The following GDE1 variants were observed in gnomAD, a reference collection of about 807,000 sequenced individuals.
GDE1 encodes glycerophosphodiester phosphodiesterase 1.
A neutral mutation model predicts 32.2 loss-of-function variants in GDE1; 24 were observed. The observed-to-expected ratio is 0.75, with a 90% CI of 0.54 to 1.05. The LOEUF (loss-of-function observed/expected upper bound fraction) is 1.05. Among genes scored for constraint, GDE1 ranks in the 50% least tolerant of loss-of-function variants. The pLI is 0.00. For missense variants in GDE1, 380 were observed against 415.0 expected (o/e 0.92, Z 0.73); for synonymous variants, 159 against 158.6 (o/e 1.00, Z -0.02).
chr16:19,514,059 T>C (rs1033564307), intron 2 of GDE1, among the ~76,000 whole-genome samples: 2 of 152,138 alleles, frequency 1.3e-5, no homozygotes, highest in Non-Finnish European at 2.9e-5. Flanking sequence ...TCTTATATTG[T>C]ATAATGGATG....
chr16:19,518,266 CAT>C (rs1322990640), intron 1 of GDE1, among the ~76,000 whole-genome samples: 1 of 152,086 alleles, frequency 6.6e-6, no homozygotes, highest in Non-Finnish European at 1.5e-5. Context: ...AAAGATTTAA[CAT>C]ATGTGAATAT....
At chr16:19,519,005 T>G (rs1363675325) in intron 1 of GDE1, among the ~76,000 whole-genome samples, 2 of 152,100 alleles carry the variant, frequency 1.3e-5, no homozygotes, top group African/African-American at 4.8e-5. Context: ...CCAACTCAAT[T>G]TTGACACTAT....
chr16:19,518,560 A>T (rs1290043955), intron 1 of GDE1, among the ~76,000 whole-genome samples: 2 of 152,194 alleles, frequency 1.3e-5, no homozygotes, highest in African/African-American at 2.4e-5. Flanking sequence ...TCAACACTAC[A>T]GATACAGCTG....
chr16:19,513,133 A>C (rs551330191), intron 2 of GDE1, among the ~76,000 whole-genome samples: 9 of 152,068 alleles, frequency 5.9e-5, no homozygotes, highest in African/African-American at 1.9e-4. Flanking sequence ...TTGCTTTTCT[A>C]TTTCTCTGAA....
At position 19,509,248 on chromosome 16, in the gene GDE1, G is replaced by A. The variant is rs371462338; in HGVS notation, c.544-1469C>T. ...ACCCCGGAGGCAGAGGTTGCATTGA[G>A]CCGAGATCGCGCCAATGCACTCCAG... On this transcript the variant is annotated intron_variant, in intron 3 of 5. Coordinates refer to ENST00000353258, the MANE Select transcript of GDE1 (RefSeq NM_016641.4). Among the ~76,000 whole-genome samples, 107 of 152,242 alleles carry A rather than the reference G, an allele frequency of 7.0e-4. 1 individual carries two copies. The East Asian group carries it at 8.5e-3, about 12-fold the overall frequency.
At chr16:19,520,408 G>GA (rs71375647) in intron 1 of GDE1, among the ~76,000 whole-genome samples, 22,146 of 131,408 alleles carry the variant, frequency 0.17, 2,473 homozygotes, top group East Asian at 0.4. Flanking sequence ...TAAAAAAAAA[G>GA]AAAAAAAAAA....
intron 5 of GDE1, chr16:19,504,608 A>T (rs1969220586): frequency 3.1e-6 from 1 of 320,856 alleles, no homozygotes; most frequent in Non-Finnish European, 5.8e-6. Flanking sequence ...CAGTCACAGA[A>T]ATAAAATCCC....
Position 19,521,712 on chromosome 16 carries a change from T to C in GDE1, c.253A>G (p.Ile85Val). 6.8e-6 allele frequency: 11 copies of C among 1,611,416 alleles called. No homozygotes were observed. Among genetic ancestry groups the C allele is most frequent in the Non-Finnish European group, 9.3e-6 (11 of 1,179,284 alleles). Reference sequence around the variant, plus strand: ...GAACGTGGGGGTCTCACCTGCCGAATGGCCGCCAGCGTGTTCTCGGGCGCG... The same window carrying C: ...GAACGTGGGGGTCTCACCTGCCGAACGGCCGCCAGCGTGTTCTCGGGCGCG... ...HDAPENTLAA[I>V]RQAAKNGATG... Residue 85 changes from isoleucine to valine, a missense_variant, in exon 1 of 6, where the codon ATT becomes GTT. Physicochemically the swap from Ile to Val is conservative, Grantham distance 29 (BLOSUM62 3). Coordinates refer to ENST00000353258, the MANE Select transcript of GDE1 (RefSeq NM_016641.4).
At position 19,521,497 on chromosome 16, in the gene GDE1, T is replaced by G. The variant is rs1162673547; in HGVS notation, c.261+207A>C. 5.0e-6 allele frequency: 3 copies of G among 603,568 alleles called. No homozygotes were observed. In the African/African-American group the frequency reaches 5.6e-5, roughly 11 times the overall value. 37.4% of individuals were successfully genotyped at this position (603,568 alleles called of 1,614,324 possible). ...ACCTTAGCGTCAGGCGCACAGAAAC[T>G]ATATACATATCTGCTGTCTTCTGTA... On this transcript the variant is annotated intron_variant, in intron 1 of 5. Coordinates refer to ENST00000353258, the MANE Select transcript of GDE1 (RefSeq NM_016641.4).
intron 4 of GDE1, among the ~76,000 whole-genome samples, chr16:19,506,479 G>A (rs1030300413): frequency 2.0e-5 from 3 of 151,978 alleles, no homozygotes; most frequent in East Asian, 1.9e-4. Context: ...GCAAAACCCC[G>A]TCTCTACTAA....
At position 19,519,491 on chromosome 16, in the gene GDE1, T is replaced by C. The variant is rs551897380; in HGVS notation, c.261+2213A>G. On this transcript the variant is annotated intron_variant, in intron 1 of 5. Transcript: ENST00000353258. The stretch of plus-strand genomic sequence containing the variant: ...ATATATATACATACACAATACTTAA[T>C]AGATTACAATATAGTGTAAACATAA... Among the ~76,000 whole-genome samples, 18 of 151,332 alleles carry C rather than the reference T, an allele frequency of 1.2e-4. No homozygotes were observed. In the South Asian group the frequency reaches 3.3e-3, roughly 28 times the overall value.
chr16:19,505,036 T>C lies in GDE1; in HGVS notation c.693A>G (p.Leu231=). ...ITALTHRPWS[L]SHTGDGKPRY... ...GTGGTTTCCCATCTCCTGTATGGCT[T>C]AGGCTCCAAGGTCTGTGAGTTAATG... The change falls in exon 5 of 6, where the codon CTA becomes CTG. Residue 231 remains leucine (L), a synonymous_variant. Transcript: ENST00000353258. 1 of 1,613,478 alleles carries C rather than the reference T, an allele frequency of 6.2e-7. No homozygotes were observed. Among genetic ancestry groups the C allele is most frequent in the Non-Finnish European group, 8.5e-7 (1 of 1,179,366 alleles).
rs1969467385 is a variant in GDE1 at position 19,521,972 on chromosome 16, C to T, written c.-8G>A. The T allele has an allele frequency of 1.3e-6, 2 of 1,529,140 alleles. No homozygotes were observed. Among genetic ancestry groups the T allele is most frequent in the East Asian group, 4.9e-5 (2 of 40,972 alleles). The allele number at this position is 1,529,140 out of a possible 1,614,324, so 94.7% of individuals were successfully genotyped here. ...GTCCTCCCACAGCCACATGCCGGCG[C>T]CCGCACCGGCACGGACGGGAGTCCC... On this transcript the variant is annotated 5_prime_UTR_variant, in exon 1 of 6. Coordinates refer to ENST00000353258, the MANE Select transcript of GDE1 (RefSeq NM_016641.4).
At chr16:19,505,362 G>T (rs1235127912) in intron 4 of GDE1, among the ~76,000 whole-genome samples, 1 of 151,980 alleles carries the variant, frequency 6.6e-6, no homozygotes, top group Non-Finnish European at 1.5e-5. Context: ...AAAACTTCAG[G>T]ATCAAATTTT....
rs1013728488 is a variant in GDE1, at chr16:19,521,735, G to A, written c.230C>T (p.Ala77Val). ...AIAHRGGSHD[A>V]PENTLAAIRQ... ...AATGGCCGCCAGCGTGTTCTCGGGC[G>A]CGTCGTGGCTGCCGCCACGGTGGGC... The change falls in exon 1 of 6, where the codon GCG (alanine) becomes GTG (valine). Residue 77 changes from alanine to valine, a missense_variant. Coordinates refer to ENST00000353258, the MANE Select transcript of GDE1 (RefSeq NM_016641.4). The A allele has an allele frequency of 6.2e-7, 1 of 1,612,090 alleles. No homozygotes were observed. Among genetic ancestry groups the A allele is most frequent in the African/African-American group, 1.3e-5 (1 of 74,934 alleles).
At chr16:19,507,588 C>G in intron 4 of GDE1, 99 bp downstream of exon 4, 1 of 719,772 alleles carries the variant, frequency 1.4e-6, no homozygotes, top group Non-Finnish European at 2.5e-6. Flanking sequence ...GACCCTGATG[C>G]AGTTCAATTT....
chr16:19,504,999 A>C lies in GDE1; in HGVS notation c.730T>G (p.Phe244Val). ...ATAACAAATATAAAATGTTTCCAGAAAGTATCATAGCGTGGTTTCCCATCT... is the reference window on the plus strand; with the variant it reads ...ATAACAAATATAAAATGTTTCCAGACAGTATCATAGCGTGGTTTCCCATCT... ...TGDGKPRYDT[F>V]WKHFIFVMMD... Residue 244 changes from phenylalanine to valine, a missense_variant, in exon 5 of 6, where the codon TTC (phenylalanine) becomes GTC (valine). Phe to Val is a conservative substitution (Grantham distance 50). Coordinates refer to ENST00000353258, the MANE Select transcript of GDE1 (RefSeq NM_016641.4). 1 of 1,612,900 alleles carries C rather than the reference A, an allele frequency of 6.2e-7. No homozygotes were observed. Among genetic ancestry groups the C allele is most frequent in the Middle Eastern group, 1.7e-4 (1 of 6,058 alleles).
chr16:19,520,361 C>T lies in GDE1; in HGVS notation c.261+1343G>A, dbSNP rs1331862136. ...AGGTTGCAGTGAGCTGGGGTTGCGC[C>T]GATGCACTGTAGCCTGGGAGACAGT... On this transcript the variant is annotated intron_variant, in intron 1 of 5. Coordinates refer to ENST00000353258, the MANE Select transcript of GDE1 (RefSeq NM_016641.4). 5.4e-5 allele frequency among the ~76,000 whole-genome samples: 8 copies of T among 147,772 alleles called. No homozygotes were observed. In the East Asian group the frequency reaches 1.6e-3, roughly 29 times the overall value.
At chr16:19,518,311 TAAAACAAAAACA>T (rs549817313) in intron 1 of GDE1, among the ~76,000 whole-genome samples, 1 of 152,210 alleles carries the variant, frequency 6.6e-6, no homozygotes. Context: ...CTTTCTGTAC[TAAAACAAAAACA>T]AAAACAAAAA....
Sources: gnomAD v4.1 joint callset for allele counts (sites outside exome capture counted in the v4.1 genomes callset) on GRCh38, gnomAD v4.1.1 for gene constraint, MANE v1.5 for transcripts, NCBI Gene and HGNC (gene_info 2026-07-23, HGNC 2026-07-21) for gene names.